AGMO: variants seen among roughly 807,000 people sequenced by gnomAD.
AGMO encodes the protein alkylglycerol monooxygenase, also known as glyceryl-ether monooxygenase.
AGMO carries 75 observed loss-of-function variants against 60.2 expected under a neutral mutation model. That is an observed-to-expected ratio of 1.25 (90% CI 1.03 to 1.51). The LOEUF (loss-of-function observed/expected upper bound fraction) is 1.51, where lower values mean the gene tolerates loss of function less well. Among genes scored for constraint, AGMO ranks in the 40% most tolerant of loss-of-function variants. AGMO has a pLI of 0.00. For synonymous variants in AGMO, 261 were observed against 177.1 expected (o/e 1.47, Z -3.76); for missense variants, 763 against 525.5 (o/e 1.45, Z -4.42).
chr7:15,287,734 T>C (rs1784139207), intron 12 of AGMO, among the ~76,000 whole-genome samples: 2 of 152,226 alleles, frequency 1.3e-5, no homozygotes, highest in African/African-American at 4.8e-5. Flanking sequence ...ATTTATCAAA[T>C]GTCTTCATTA....
intron 3 of AGMO, among the ~76,000 whole-genome samples, chr7:15,504,092 T>C (rs969760410): frequency 6.6e-6 from 1 of 151,908 alleles, no homozygotes; most frequent in Non-Finnish European, 1.5e-5. Flanking sequence ...TTAATACCAG[T>C]AGAGGGAGTG....
chr7:15,335,253 A>G (rs1050971627), intron 12 of AGMO, among the ~76,000 whole-genome samples: 1 of 152,070 alleles, frequency 6.6e-6, no homozygotes, highest in Non-Finnish European at 1.5e-5. Flanking sequence ...GCATTTAGCT[A>G]TTGTTAATGA....
chr7:15,490,606 A>G (rs1175837466), intron 3 of AGMO, among the ~76,000 whole-genome samples: 1 of 152,148 alleles, frequency 6.6e-6, no homozygotes, highest in Non-Finnish European at 1.5e-5. Flanking sequence ...TCATATAATG[A>G]TCTGCAGTGC....
chr7:15,507,212 C>G (rs1375888027), intron 3 of AGMO, among the ~76,000 whole-genome samples: 1 of 151,964 alleles, frequency 6.6e-6, no homozygotes, highest in Non-Finnish European at 1.5e-5. Flanking sequence ...ATATTGTTCT[C>G]AGTGGAATCT....
At chr7:15,128,669 GAA>G in the AGMO span, among the ~76,000 whole-genome samples, 1 of 151,980 alleles carries the variant, frequency 6.6e-6, no homozygotes, top group Non-Finnish European at 1.5e-5. Context: ...GTAGAAAAAA[GAA>G]AGTTACCCAT....
intron 12 of AGMO, among the ~76,000 whole-genome samples, chr7:15,352,143 A>C (rs887556334): frequency 3.9e-5 from 6 of 152,188 alleles, no homozygotes; most frequent in African/African-American, 1.4e-4. Context: ...ATTTAGAACC[A>C]TTTCACGGAC....
rs1359968220 is a variant in AGMO at position 15,385,530 on chromosome 7, A to T, written c.990T>A (p.Ser330=). 20 of 1,612,982 alleles carry T rather than the reference A, an allele frequency of 1.2e-5. No homozygotes were observed. Among genetic ancestry groups the T allele is most frequent in the South Asian group, 8.8e-5 (8 of 91,004 alleles). The stretch of plus-strand genomic sequence containing the variant: ...TATATATCTTTAATAGCTGAGATGA[A>T]GATGATGAGAAGGGAACTTCTTTGC... ...VTGKEVPFSS[S]SSQLLKIYTV... The change falls in exon 10 of 13, where the codon TCT becomes TCA. Residue 330 remains serine, a synonymous_variant. Transcript: ENST00000342526.
At chr7:15,369,466 G>A (rs1783115423) in intron 10 of AGMO, among the ~76,000 whole-genome samples, 1 of 152,004 alleles carries the variant, frequency 6.6e-6, no homozygotes, top group African/African-American at 2.4e-5. Context: ...TCCTGGACAT[G>A]ACAAACATTT....
intron 3 of AGMO, among the ~76,000 whole-genome samples, chr7:15,462,059 A>G (rs1467755343): frequency 1.7e-5 from 1 of 57,586 alleles, no homozygotes; most frequent in Non-Finnish European, 4.7e-5. Flanking sequence ...CTACTTGGAA[A>G]AGGTAAAAAA....
At chr7:15,386,178 A>G (rs1051019418) in intron 9 of AGMO, among the ~76,000 whole-genome samples, 1 of 110,548 alleles carries the variant, frequency 9.0e-6, no homozygotes, top group Non-Finnish European at 1.9e-5. Context: ...CAAAAGAAAA[A>G]AAAAGAAAAG....
intron 3 of AGMO, among the ~76,000 whole-genome samples, chr7:15,540,786 AG>A (rs1173631725): frequency 8.5e-5 from 13 of 152,356 alleles, no homozygotes; most frequent in African/African-American, 3.1e-4. Flanking sequence ...ATTCTGCCTT[AG>A]AACTATAAAC....
intron 5 of AGMO, among the ~76,000 whole-genome samples, chr7:15,411,966 A>C (rs1475238080): frequency 6.6e-6 from 1 of 152,132 alleles, no homozygotes; most frequent in African/African-American, 2.4e-5. Context: ...AAAGGGCAAT[A>C]ACCAAAACAC....
chr7:15,385,415 T>C (rs768600320), intron 10 of AGMO, 31 bp downstream of exon 10: 3 of 1,335,326 alleles, frequency 2.2e-6, no homozygotes. Flanking sequence ...CAGATAATGT[T>C]CTCACACTAC....
chr7:15,531,115 T>TTC (rs1784320123), intron 3 of AGMO, among the ~76,000 whole-genome samples: 2 of 29,982 alleles, frequency 6.7e-5, no homozygotes, highest in Admixed American at 7.1e-4. Flanking sequence ...TCTATATATA[T>TTC]TCTATATATA....
intron 8 of AGMO, 37 bp from the exon 9 acceptor site, chr7:15,387,577 A>G: frequency 6.5e-7 from 1 of 1,546,150 alleles, no homozygotes; most frequent in African/African-American, 1.4e-5. Flanking sequence ...TTCACATAAG[A>G]TAAATAGGAA....
intron 3 of AGMO, among the ~76,000 whole-genome samples, chr7:15,512,358 T>C (rs911441667): frequency 6.6e-6 from 1 of 152,188 alleles, no homozygotes; most frequent in African/African-American, 2.4e-5. Flanking sequence ...GCTCAAGTGA[T>C]CCTCCTGCCT....
the AGMO span, among the ~76,000 whole-genome samples, chr7:15,151,403 G>C: frequency 6.6e-6 from 1 of 151,846 alleles, no homozygotes; most frequent in African/African-American, 2.4e-5. Context: ...AGTTCCCCTA[G>C]GTGTGATGTT....
At chr7:15,502,245 G>A (rs1157173950) in intron 3 of AGMO, among the ~76,000 whole-genome samples, 1 of 151,954 alleles carries the variant, frequency 6.6e-6, no homozygotes, top group Non-Finnish European at 1.5e-5. Context: ...CAGACTAGAG[G>A]AGATCAACTG....
At chr7:15,507,267 C>T (rs1023773173) in intron 3 of AGMO, among the ~76,000 whole-genome samples, 1 of 151,840 alleles carries the variant, frequency 6.6e-6, no homozygotes, top group Non-Finnish European at 1.5e-5. Context: ...GGAAAATTAT[C>T]AACATAGGGA....
Sources: gnomAD v4.1 joint callset for allele counts (sites outside exome capture counted in the v4.1 genomes callset) on GRCh38, gnomAD v4.1.1 for gene constraint, MANE v1.5 for transcripts, NCBI Gene and HGNC (gene_info 2026-07-23, HGNC 2026-07-21) for gene names.